DPF3: variants seen among roughly 807,000 people sequenced by gnomAD.
DPF3 encodes the protein zinc finger protein DPF3.
Under a neutral mutation model 56.8 loss-of-function variants are expected in DPF3, and 18 were observed. The observed-to-expected ratio is 0.32, with a 90% CI of 0.22 to 0.47. The LOEUF is 0.47. DPF3 is among the 20% of genes least tolerant of loss of function. The pLI is 1.00. For synonymous variants in DPF3, 188 were observed against 180.2 expected (o/e 1.04, Z -0.35); for missense variants, 403 against 488.8 (o/e 0.82, Z 1.65).
intron 8 of DPF3, among the ~76,000 whole-genome samples, chr14:72,647,995 G>T (rs529153358): frequency 6.6e-6 from 1 of 152,070 alleles, no homozygotes; most frequent in African/African-American, 2.4e-5. Context: ...AGCCTTGCAC[G>T]TGTCTGCCTA....
intron 3 of DPF3, among the ~76,000 whole-genome samples, chr14:72,740,792 G>A (rs1890094092): frequency 6.6e-6 from 1 of 152,218 alleles, no homozygotes; most frequent in South Asian, 2.1e-4. Flanking sequence ...TGGGCCATGG[G>A]TGCCTCGGGG....
At chr14:72,736,821 C>A (rs1178222347) in intron 3 of DPF3, among the ~76,000 whole-genome samples, 4 of 152,034 alleles carry the variant, frequency 2.6e-5, no homozygotes, top group Admixed American at 6.6e-5. Flanking sequence ...GCCCACATAA[C>A]CCGACAGGAG....
chr14:72,824,545 CTTTT>C (rs1364892106), intron 1 of DPF3, among the ~76,000 whole-genome samples: 1 of 128,882 alleles, frequency 7.8e-6, no homozygotes, highest in Non-Finnish European at 1.7e-5. Context: ...TTTACGTTTT[CTTTT>C]TCTTTTTTTT....
At chr14:72,809,174 A>G (rs898192446) in intron 1 of DPF3, among the ~76,000 whole-genome samples, 1 of 152,234 alleles carries the variant, frequency 6.6e-6, no homozygotes, top group African/African-American at 2.4e-5. Context: ...AGCCCTCGCC[A>G]GAGGACAGGG....
intron 1 of DPF3, among the ~76,000 whole-genome samples, chr14:72,785,258 C>T (rs1473851283): frequency 6.6e-6 from 1 of 152,188 alleles, no homozygotes; most frequent in Non-Finnish European, 1.5e-5. Context: ...CTATGTGTGC[C>T]AGGCACTGTT....
At chr14:72,850,735 T>C (rs545025571) in intron 1 of DPF3, among the ~76,000 whole-genome samples, 14 of 152,338 alleles carry the variant, frequency 9.2e-5, no homozygotes, top group Non-Finnish European at 2.1e-4. Context: ...CTGAAGCTGC[T>C]GAGGGGTGAC....
intron 1 of DPF3, among the ~76,000 whole-genome samples, chr14:72,893,741 A>G (rs1201538341): frequency 6.6e-6 from 1 of 151,766 alleles, no homozygotes; most frequent in East Asian, 1.9e-4. Context: ...GCCGTCCCCG[A>G]GCTCCCGCGA....
intron 8 of DPF3, among the ~76,000 whole-genome samples, chr14:72,648,688 A>T (rs1885802641): frequency 6.6e-6 from 1 of 151,776 alleles, no homozygotes; most frequent in South Asian, 2.1e-4. Context: ...GAACGGTCTC[A>T]GCTCCTAACC....
At chr14:72,796,740 GT>G (rs1208902784) in intron 1 of DPF3, among the ~76,000 whole-genome samples, 1 of 152,122 alleles carries the variant, frequency 6.6e-6, no homozygotes, top group Non-Finnish European at 1.5e-5. Context: ...GCCAGGGATA[GT>G]TTTTTTCATC....
Position 72,768,933 on chromosome 14 carries a change from C to CTGTGTGTGTG in DPF3, c.193+2790_193+2799dup, listed in dbSNP as rs10543093. On this transcript the variant is annotated intron_variant, in intron 2 of 10. Transcript: ENST00000556509. The stretch of plus-strand genomic sequence containing the variant: ...TTGTTCTGATACTGTGTGTGAGTGT[C>CTGTGTGTGTG]TGTGTGTGTGTGTGTGTGTGTGTGT... Among the ~76,000 whole-genome samples the CTGTGTGTGTG allele has an allele frequency of 1.3e-3, 197 of 146,508 alleles. 1 individual carries two copies. Among genetic ancestry groups the CTGTGTGTGTG allele is most frequent in the African/African-American group, 4.6e-3 (183 of 39,652 alleles).
intron 2 of DPF3, among the ~76,000 whole-genome samples, chr14:72,770,944 C>G (rs1891499037): frequency 2.0e-5 from 3 of 151,020 alleles, no homozygotes; most frequent in Admixed American, 1.3e-4. Context: ...TATGGGAGGC[C>G]CAGGCAGGCA....
At position 72,615,229 on chromosome 14, in the gene DPF3, C is replaced by T. The variant is rs531040242; in HGVS notation, c.*4068G>A. ...GGTCCTCAGGGCCCGCCCTGGGCCA[C>T]GGGCGGCGCAACACCCCCTACCTCC... On this transcript the variant is annotated 3_prime_UTR_variant, in exon 11 of 11. Transcript: ENST00000556509. 1.2e-4 allele frequency among the ~76,000 whole-genome samples: 19 copies of T among 152,216 alleles called. No homozygotes were observed. In the East Asian group the frequency reaches 3.7e-3, roughly 29 times the overall value.
rs1883746539 is a variant in DPF3, at chr14:72,611,852, G to A, written c.*7445C>T. Among the ~76,000 whole-genome samples, 1 of 152,070 alleles carries A rather than the reference G, an allele frequency of 6.6e-6. No individual in the cohort carries two copies. The highest frequency in any genetic ancestry group is 2.1e-4 in the South Asian group (1 of 4,820). ...TGCCTCCACCTGCTTGTCTTCTACTGAGGAACACGCATCCTCAACAGAGAA... is the reference window on the plus strand; with the variant it reads ...TGCCTCCACCTGCTTGTCTTCTACTAAGGAACACGCATCCTCAACAGAGAA... On this transcript the variant is annotated 3_prime_UTR_variant, in exon 11 of 11. Coordinates refer to ENST00000556509, the MANE Select transcript of DPF3 (RefSeq NM_001280542.3).
At chr14:72,628,088 T>C (rs1039192328) in intron 9 of DPF3, among the ~76,000 whole-genome samples, 2 of 152,108 alleles carry the variant, frequency 1.3e-5, no homozygotes, top group Non-Finnish European at 2.9e-5. Context: ...TATCCATTCT[T>C]ACATCTCTAA....
chr14:72,748,927 T>C (rs1236497407), intron 3 of DPF3, among the ~76,000 whole-genome samples: 2 of 152,146 alleles, frequency 1.3e-5, no homozygotes, highest in Non-Finnish European at 2.9e-5. Context: ...AGGGGTGAGG[T>C]CCTCATGGAG....
At chr14:72,672,050 CACACACACAG>C (rs752407837) in intron 8 of DPF3, among the ~76,000 whole-genome samples, 1,899 of 123,404 alleles carry the variant, frequency 0.015, 72 homozygotes, top group East Asian at 0.15. Context: ...CACACACACA[CACACACACAG>C]ACACACACAC....
At chr14:72,818,855 C>G (rs919194799) in intron 1 of DPF3, among the ~76,000 whole-genome samples, 3 of 151,932 alleles carry the variant, frequency 2.0e-5, no homozygotes, top group African/African-American at 7.3e-5. Context: ...AATAGACAAG[C>G]CACAGATTGG....
At chr14:72,889,796 G>C (rs1886680649) in intron 1 of DPF3, among the ~76,000 whole-genome samples, 1 of 152,192 alleles carries the variant, frequency 6.6e-6, no homozygotes, top group Non-Finnish European at 1.5e-5. Flanking sequence ...TCTTCTCCCA[G>C]AGTAGTGTTC....
rs368797206 is a variant in DPF3 at position 72,672,029 on chromosome 14, CCACACACACACACACA to C, written c.871+2195_871+2210del. 9.6e-5 allele frequency among the ~76,000 whole-genome samples: 14 copies of C among 145,740 alleles called. No homozygotes were observed. In the East Asian group the frequency reaches 2.8e-3, roughly 29 times the overall value. On this transcript the variant is annotated intron_variant, in intron 8 of 10. Transcript: ENST00000556509. ...CCACATACATGTGCACGTGTGCACA[CCACACACACACACACA>C]CACACACACACACAGACACACACAC...
Sources: allele counts gnomAD v4.1 joint callset (sites outside exome capture counted in the v4.1 genomes callset), GRCh38; gene constraint gnomAD v4.1.1; transcripts MANE v1.5; gene names NCBI Gene and HGNC (gene_info 2026-07-23, HGNC 2026-07-21).